Variants in IRF7 observed in about 807,000 individuals in gnomAD.
IRF7 encodes the protein interferon regulatory factor-7H.
IRF7 carries 67 observed loss-of-function variants against 51.3 expected under a neutral mutation model. The observed-to-expected ratio is 1.31, with a 90% CI of 1.07 to 1.60. The LOEUF (loss-of-function observed/expected upper bound fraction) is 1.60, where lower values mean the gene tolerates loss of function less well. Among genes scored for constraint, IRF7 ranks in the 40% most tolerant of loss-of-function variants. The pLI is 0.00. For missense variants in IRF7, 873 were observed against 701.5 expected (o/e 1.24, Z -2.76); for synonymous variants, 427 against 301.3 (o/e 1.42, Z -4.32).
Position 613,077 on chromosome 11 carries a change from T to C in IRF7, c.1278A>G (p.Pro426=). 6.2e-7 allele frequency: 1 copy of C among 1,612,958 alleles called. No homozygotes were observed. The highest frequency in any genetic ancestry group is 8.5e-7 in the Non-Finnish European group (1 of 1,179,982). Residue 426 remains proline, a synonymous_variant, in exon 10 of 11, where the codon CCA becomes CCG. Coordinates refer to ENST00000525445, the MANE Select transcript of IRF7 (RefSeq NM_001572.5). ...CGAAGCCCAGGTAGATGGTATAGCG[T>C]GGGGAGCCACGGCGCTGCCGTGCCC... is the stretch of plus-strand genomic sequence containing the variant. ...EFRARQRRGS[P]RYTIYLGFGQ...
chr11:614,231 T>G lies in IRF7; in HGVS notation c.622A>C (p.Thr208Pro), dbSNP rs758170845. 1 of 1,612,834 alleles carries G rather than the reference T, an allele frequency of 6.2e-7. No individual in the cohort carries two copies. The highest frequency in any genetic ancestry group is 8.5e-7 in the Non-Finnish European group (1 of 1,179,856). ...TCTTGTCCCTCTCCAGGAGCCTTGG[T>G]TGGGACTGGATCTGCCCCCCATGAC... ...TASWGADPVP[T>P]KAPGEGQEGL... The change falls in exon 6 of 11, where the codon ACC becomes CCC. Residue 208 changes from threonine to proline, a missense_variant. Thr to Pro is a conservative substitution (Grantham distance 38). Transcript: ENST00000525445.
Position 613,030 on chromosome 11 carries a change from C to T in IRF7, c.1325G>A (p.Arg442Lys). 1.2e-6 allele frequency: 2 copies of T among 1,613,174 alleles called. No individual in the cohort carries two copies. The highest frequency in any genetic ancestry group is 1.7e-6 in the Non-Finnish European group (2 of 1,180,000). ...LGFGQDLSAG[R>K]PKEKSLVLVK... ...CAGGACCAGGCTCTTCTCCTTGGGCCTCCCAGCTGACAGGTCCTGCCCGAA... is the reference window on the plus strand; with the variant it reads ...CAGGACCAGGCTCTTCTCCTTGGGCTTCCCAGCTGACAGGTCCTGCCCGAA... Residue 442 changes from arginine to lysine, a missense_variant, in exon 10 of 11, where the codon AGG becomes AAG. Physicochemically the swap from Arg to Lys is conservative, Grantham distance 26 (BLOSUM62 2). Coordinates refer to ENST00000525445, the MANE Select transcript of IRF7 (RefSeq NM_001572.5).
At position 614,412 on chromosome 11, in the gene IRF7, G is replaced by A. The variant is rs751919325; in HGVS notation, c.454-13C>T. 164 of 1,595,268 alleles carry A rather than the reference G, an allele frequency of 1.0e-4. No individual in the cohort carries two copies. Among genetic ancestry groups the A allele is most frequent in the Non-Finnish European group, 1.3e-4 (153 of 1,171,276 alleles). On this transcript the variant is annotated splice_polypyrimidine_tract_variant and intron_variant, in intron 5 of 10. Transcript: ENST00000525445. ...CTGGGGGCCCACCCTGCAGGGAAAA[G>A]TCAGGGTGAACGTAAGCAGCTCCGC...
At chr11:612,884 C>CT (rs1856517339) in intron 10 of IRF7, 84 bp from the exon 11 acceptor site, 4 of 1,590,808 alleles carry the variant, frequency 2.5e-6, no homozygotes, top group Admixed American at 3.4e-5. Flanking sequence ...CGTCGGGCGT[C>CT]TGTCAGTGAC....
chr11:615,422 G>A lies in IRF7; in HGVS notation c.-58C>T. On this transcript the variant is annotated 5_prime_UTR_variant, in exon 2 of 11. Coordinates refer to ENST00000525445, the MANE Select transcript of IRF7 (RefSeq NM_001572.5). ...CAGGTGTTATAACAGGGGAGGTAAG[G>A]GCTCCTGTCGCAGCAGACGCCAGGC... is the stretch of plus-strand genomic sequence containing the variant. 4.8e-6 allele frequency: 7 copies of A among 1,454,258 alleles called. No individual in the cohort carries two copies. The highest frequency in any genetic ancestry group is 6.3e-6 in the Non-Finnish European group (7 of 1,107,650). 90.1% of individuals were successfully genotyped at this position (1,454,258 alleles called of 1,614,324 possible).
Position 614,480 on chromosome 11 carries a change from G to C in IRF7, c.449C>G (p.Pro150Arg). ...EAEAPAAVPP[P>R]QGGPPGPFLA... ...GGCAGGCAGAGAGAAGGGTACCTGT[G>C]GTGGTGGGACAGCTGCGGGGGCCTC... Residue 150 changes from proline to arginine, a missense_variant, in exon 5 of 11, where the codon CCA becomes CGA. Transcript: ENST00000525445. 6.4e-7 allele frequency: 1 copy of C among 1,565,862 alleles called. No homozygotes were observed. The highest frequency in any genetic ancestry group is 8.7e-7 in the Non-Finnish European group (1 of 1,155,060).
At chr11:615,068 C>A in intron 3 of IRF7, 29 bp downstream of exon 3, 1 of 1,564,078 alleles carries the variant, frequency 6.4e-7, no homozygotes, top group Non-Finnish European at 8.6e-7. Context: ...GCTCTCCCAC[C>A]CGGGGCGGGG....
rs746429600 is a variant in IRF7 at position 613,968 on chromosome 11, G to C, written c.749C>G (p.Pro250Arg). 16 of 1,606,728 alleles carry C rather than the reference G, an allele frequency of 1.0e-5. No homozygotes were observed. Among genetic ancestry groups the C allele is most frequent in the Non-Finnish European group, 8.5e-7 (1 of 1,177,982 alleles). The part of the protein sequence containing the change: ...VETTPSPGPQ[P>R]AALTTGEAAA... ...CCTCTCACCTGTCGTTAGTGCCGCG[G>C]GCTGGGGCCCGGGGCTGGGGGTCGT... is the stretch of plus-strand genomic sequence containing the variant. The change falls in exon 7 of 11, where the codon CCC (proline) becomes CGC (arginine). Residue 250 changes from proline to arginine, a missense_variant. Pro to Arg is a moderately radical substitution (Grantham distance 103, BLOSUM62 -2). Coordinates refer to ENST00000525445, the MANE Select transcript of IRF7 (RefSeq NM_001572.5).
At position 613,782 on chromosome 11, in the gene IRF7, C is replaced by T. The variant is rs771448576; in HGVS notation, c.847+3G>A. 11 of 1,552,242 alleles carry T rather than the reference C, an allele frequency of 7.1e-6. No individual in the cohort carries two copies. The South Asian group carries it at 1.3e-4, about 19-fold the overall frequency. ...AGGCTGCCCCTTCCTGGGATGCACTCACCTTGCACCGCGGTGCAGGCGCTT... is the reference window on the plus strand; with the variant it reads ...AGGCTGCCCCTTCCTGGGATGCACTTACCTTGCACCGCGGTGCAGGCGCTT... On this transcript the variant is annotated splice_donor_region_variant and intron_variant, in intron 8 of 10. Coordinates refer to ENST00000525445, the MANE Select transcript of IRF7 (RefSeq NM_001572.5).
chr11:612,679 T>C lies in IRF7; in HGVS notation c.1478A>G (p.Glu493Gly). ...CTGCTCCAGCTCCATAAGGAAGCAC[T>C]CGATGTCGTCATAGAGGCTGTTGGC... is the stretch of plus-strand genomic sequence containing the variant. Reference protein sequence around the residue: ...SSANSLYDDIECFLMELEQPA With the variant: ...SSANSLYDDIGCFLMELEQPA Residue 493 changes from glutamate to glycine, a missense_variant, in exon 11 of 11, where the codon GAG (glutamate) becomes GGG (glycine). By Grantham distance (98) the Glu-to-Gly change is moderately conservative. Coordinates refer to ENST00000525445, the MANE Select transcript of IRF7 (RefSeq NM_001572.5). 1.2e-6 allele frequency: 2 copies of C among 1,613,308 alleles called. No homozygotes were observed. The highest frequency in any genetic ancestry group is 1.7e-6 in the Non-Finnish European group (2 of 1,180,010).
At position 613,294 on chromosome 11, in the gene IRF7, G is replaced by T. The variant is rs1021187471; in HGVS notation, c.1149C>A (p.Pro383=). The T allele has an allele frequency of 3.1e-6, 5 of 1,609,966 alleles. No individual in the cohort carries two copies. Among genetic ancestry groups the T allele is most frequent in the African/African-American group, 1.3e-5 (1 of 74,796 alleles). The change falls in exon 9 of 11, where the codon CCC becomes CCA. Residue 383 remains proline, a synonymous_variant. Transcript: ENST00000525445. ...KCKVYWEVGG[P]PGSASPSTPA... ...GGGTGGAGGGGCTGGCGGAGCCTGGGGGTCCGCCCACCTCCCAGTACACCT... is the reference window on the plus strand; with the variant it reads ...GGGTGGAGGGGCTGGCGGAGCCTGGTGGTCCGCCCACCTCCCAGTACACCT...
Position 615,254 on chromosome 11 carries a change from G to T in IRF7, c.26C>A (p.Ala9Asp). Reference sequence around the variant, plus strand: ...CCACTCTCCGAACAGCACGCGTGGGGCTGCCCTGCGGGTGCCCGGCCGCGG... The same window carrying T: ...CCACTCTCCGAACAGCACGCGTGGGTCTGCCCTGCGGGTGCCCGGCCGCGG... Reference protein sequence around the residue: MALAPERAAPRVLFGEWLL... With the variant: MALAPERADPRVLFGEWLL... The change falls in exon 3 of 11, where the codon GCC becomes GAC. Residue 9 changes from alanine to aspartate, a missense_variant. Physicochemically the swap from Ala to Asp is moderately radical, Grantham distance 126. Transcript: ENST00000525445. The T allele has an allele frequency of 3.8e-6, 6 of 1,581,432 alleles. No homozygotes were observed. Among genetic ancestry groups the T allele is most frequent in the Non-Finnish European group, 5.1e-6 (6 of 1,168,694 alleles).
At position 614,523 on chromosome 11, in the gene IRF7, T is replaced by G; in HGVS notation, c.406A>C (p.Thr136Pro). 6.4e-7 allele frequency: 1 copy of G among 1,554,598 alleles called. No individual in the cohort carries two copies. The highest frequency in any genetic ancestry group is 8.7e-7 in the Non-Finnish European group (1 of 1,148,768). The change falls in exon 5 of 11, where the codon ACG becomes CCG. Residue 136 changes from threonine (T) to proline (P), a missense_variant. Physicochemically the swap from Thr to Pro is conservative, Grantham distance 38 (BLOSUM62 -1). Transcript: ENST00000525445. ...RELCWREGPG[T>P]DQTEAEAPAA... ...GGGGCCTCTGCCTCAGTCTGGTCCG[T>G]GCCTGGGCCTTCTGAGAGAGAATGG...
At position 614,054 on chromosome 11, in the gene IRF7, A is replaced by C; in HGVS notation, c.680-17T>G. ...GCCCTGGGCCTGAGGAGGGGAGGAC[A>C]GTGGGAACGGTGGTCCCCTCCTAAT... On this transcript the variant is annotated splice_polypyrimidine_tract_variant and intron_variant, in intron 6 of 10. Coordinates refer to ENST00000525445, the MANE Select transcript of IRF7 (RefSeq NM_001572.5). 1.3e-6 allele frequency: 2 copies of C among 1,599,486 alleles called. No individual in the cohort carries two copies. Among genetic ancestry groups the C allele is most frequent in the South Asian group, 2.2e-5 (2 of 89,292 alleles).
Position 615,618 on chromosome 11 carries a change from C to T in IRF7, c.-254G>A, listed in dbSNP as rs552259400. 2.3e-3 allele frequency: 997 copies of T among 435,414 alleles called. 1 individual carries two copies. Among genetic ancestry groups the T allele is most frequent in the Non-Finnish European group, 3.3e-3 (814 of 247,870 alleles). The allele number at this position is 435,414 out of a possible 1,614,324, so 27.0% of individuals were successfully genotyped here. A position where few individuals can be genotyped will look rare whatever the true frequency, so the allele number is the denominator to read the frequency against. ...AAGTCACAGGTGTTGAACCAGTGTC[C>T]AGGCCTGGCGGGAAGGCGCAGGCCG... On this transcript the variant is annotated 5_prime_UTR_variant, in exon 2 of 11. Coordinates refer to ENST00000525445, the MANE Select transcript of IRF7 (RefSeq NM_001572.5).
In IRF7 at chr11:615,585, C is replaced by G. The variant is rs1856798088; in HGVS notation, c.-221G>C. The stretch of plus-strand genomic sequence containing the variant: ...TGTGACTGCAGGTGTGGCCGGCGCG[C>G]ACACATGAAGTCACAGGTGTTGAAC... On this transcript the variant is annotated 5_prime_UTR_variant, in exon 2 of 11. Coordinates refer to ENST00000525445, the MANE Select transcript of IRF7 (RefSeq NM_001572.5). 2 of 501,632 alleles carry G rather than the reference C, an allele frequency of 4.0e-6. No individual in the cohort carries two copies. The highest frequency in any genetic ancestry group is 7.3e-5 in the South Asian group (2 of 27,214). The allele number at this position is 501,632 out of a possible 1,614,324, so 31.1% of individuals were successfully genotyped here. A position where few individuals can be genotyped will look rare whatever the true frequency, so the allele number is the denominator to read the frequency against.
At chr11:614,059 G>A (rs1291227929) in intron 6 of IRF7, 22 bp from the exon 7 acceptor site, 2 of 1,595,358 alleles carry the variant, frequency 1.3e-6, no homozygotes, top group South Asian at 1.1e-5. Context: ...AGGACAGTGG[G>A]AACGGTGGTC....
Position 615,148 on chromosome 11 carries a change from C to A in IRF7, c.132G>T (p.Trp44Cys). 6.2e-7 allele frequency: 1 copy of A among 1,603,862 alleles called. No homozygotes were observed. Among genetic ancestry groups the A allele is most frequent in the Non-Finnish European group, 8.5e-7 (1 of 1,179,172 alleles). ...TCAGGTCCTTGCGCGCGAAGTGCTT[C>A]CAGGGCACGCGGAAACAGGTGCGGG... ...DEARTCFRVP[W>C]KHFARKDLSE... The change falls in exon 3 of 11, where the codon TGG becomes TGT. Residue 44 changes from tryptophan to cysteine, a missense_variant. Transcript: ENST00000525445.
rs1418453634 is a variant in IRF7, at chr11:614,029, G to C, written c.688C>G (p.Leu230Val). The C allele has an allele frequency of 5.0e-6, 8 of 1,608,176 alleles. No individual in the cohort carries two copies. The highest frequency in any genetic ancestry group is 1.3e-5 in the African/African-American group (1 of 74,904). The part of the protein sequence containing the change: ...LTGACAGGPG[L>V]PAGELYGWAV... ...CACCCGTACAGCTCCCCAGCAGGGA[G>C]CCCTGGGCCTGAGGAGGGGAGGACA... Residue 230 changes from leucine (L) to valine (V), a missense_variant, in exon 7 of 11, where the codon CTC (leucine) becomes GTC (valine). Physicochemically the swap from Leu to Val is conservative, Grantham distance 32. Transcript: ENST00000525445.
Sources: allele counts gnomAD v4.1 joint callset, GRCh38; gene constraint gnomAD v4.1.1; transcripts MANE v1.5; gene names NCBI Gene and HGNC (gene_info 2026-07-23, HGNC 2026-07-21).